Variants in EXOSC10 observed in about 807,000 individuals in gnomAD.
The protein encoded by EXOSC10 is exosome component 10, also known as exosome complex component 10.
EXOSC10 carries 94 observed loss-of-function variants against 126.6 expected under a neutral mutation model. The ratio of observed to expected loss-of-function variants is 0.74; its 90% CI spans 0.63 to 0.88. EXOSC10 has a LOEUF of 0.88. Among genes scored for constraint, EXOSC10 ranks in the 40% least tolerant of loss-of-function variants. The probability of loss-of-function intolerance (pLI) is 0.00; values close to 1 mark genes in which losing one functional copy is unlikely to be tolerated. For missense variants in EXOSC10, 1,041 were observed against 1,100.5 expected (o/e 0.95, Z 0.77); for synonymous variants, 395 against 400.8 (o/e 0.99, Z 0.17).
At chr1:11,085,527 C>A (rs1398458629) in intron 9 of EXOSC10, among the ~76,000 whole-genome samples, 1 of 152,128 alleles carries the variant, frequency 6.6e-6, no homozygotes, top group South Asian at 2.1e-4. Context: ...TGGGCTGAGA[C>A]AATGGGGTTT....
At chr1:11,070,265 T>TAAAAAAAAA (rs35601923) in intron 21 of EXOSC10, among the ~76,000 whole-genome samples, 1 of 100,588 alleles carries the variant, frequency 9.9e-6, no homozygotes, top group Non-Finnish European at 1.8e-5. Context: ...AAAAGGAAAT[T>TAAAAAAAAA]AAAAAAAAAA....
chr1:11,090,911 G>C (rs1640767247), intron 5 of EXOSC10, 103 bp downstream of exon 5: 1 of 1,199,608 alleles, frequency 8.3e-7, no homozygotes, highest in Non-Finnish European at 1.2e-6. Context: ...GAACAAAGGA[G>C]GGTGGGCTCC....
chr1:11,091,722 A>G (rs1148482), intron 3 of EXOSC10, 125 bp from the exon 4 acceptor site: 507,636 of 656,242 alleles, frequency 0.77, 198,100 homozygotes, highest in East Asian at 0.94. Flanking sequence ...GCAGTGGCGC[A>G]ATCTTGCCTC....
At chr1:11,097,239 G>A (rs1278901264) in intron 2 of EXOSC10, among the ~76,000 whole-genome samples, 4 of 151,464 alleles carry the variant, frequency 2.6e-5, no homozygotes, top group East Asian at 1.9e-4. Context: ...AAAGCTGGTC[G>A]TGGTGGTGTA....
Position 11,090,240 on chromosome 1 carries a change from C to T in EXOSC10, c.758+314G>A, listed in dbSNP as rs151021678. Among the ~76,000 whole-genome samples the T allele has an allele frequency of 2.8e-3, 419 of 152,212 alleles. 4 individuals are homozygous for T. Among genetic ancestry groups the T allele is most frequent in the African/African-American group, 9.9e-3 (413 of 41,550 alleles). On this transcript the variant is annotated intron_variant, in intron 6 of 24. Coordinates refer to ENST00000376936, the MANE Select transcript of EXOSC10 (RefSeq NM_001001998.3). ...CTCGAACTCCTGACCTCAGGTGATCCACCGGTCTCAGCCTCCCAAAGTGCT... is the reference window on the plus strand; with the variant it reads ...CTCGAACTCCTGACCTCAGGTGATCTACCGGTCTCAGCCTCCCAAAGTGCT...
At chr1:11,070,792 G>C in intron 21 of EXOSC10, 108 bp downstream of exon 21, 1 of 954,080 alleles carries the variant, frequency 1.0e-6, no homozygotes, top group South Asian at 1.6e-5. Flanking sequence ...AAGAAGTCAG[G>C]ACTTAATATA....
chr1:11,095,780 T>C lies in EXOSC10; in HGVS notation c.350A>G (p.Asn117Ser), dbSNP rs137858764. The change falls in exon 3 of 25, where the codon AAT (asparagine) becomes AGT (serine). Residue 117 changes from asparagine (N) to serine (S), a missense_variant. By Grantham distance (46) the Asn-to-Ser change is conservative. Around this residue, in one of 3 missense-constraint regions of EXOSC10, gnomAD observed 645 missense variants for 656.3 expected, o/e 0.98. Transcript: ENST00000376936. ...EDKFDLLVDA[N>S]DVILERVGIL... ...CACCACTCTCTCCAGAATTACATCA[T>C]TGGCATCAACTAGTAAATCAAACTT... 1.5e-5 allele frequency: 24 copies of C among 1,614,036 alleles called. No homozygotes were observed. Among genetic ancestry groups the C allele is most frequent in the Non-Finnish European group, 1.8e-5 (21 of 1,179,994 alleles).
At chr1:11,067,754 T>C (rs556919773) in intron 24 of EXOSC10, among the ~76,000 whole-genome samples, 2 of 152,270 alleles carry the variant, frequency 1.3e-5, no homozygotes, top group East Asian at 3.9e-4. Context: ...ACACGGTAAC[T>C]AGAGAGCCAG....
At chr1:11,074,701 C>G (rs930561937) in intron 17 of EXOSC10, among the ~76,000 whole-genome samples, 1 of 152,150 alleles carries the variant, frequency 6.6e-6, no homozygotes, top group Non-Finnish European at 1.5e-5. Flanking sequence ...GTGTGAGCCA[C>G]CGCACGCACC....
At position 11,079,695 on chromosome 1, in the gene EXOSC10, C is replaced by T. The variant is rs1382778370; in HGVS notation, c.1749+16G>A. The T allele has an allele frequency of 1.9e-6, 3 of 1,606,918 alleles. No homozygotes were observed. The African/African-American group carries it at 4.0e-5, about 22-fold the overall frequency. On this transcript the variant is annotated intron_variant, in intron 14 of 24. Transcript: ENST00000376936. ...AGGCGTGAGCCACTGTGCCCAGCCG[C>T]AGAAAAGCTTCTTACCTTGAGCAGG...
chr1:11,091,382 A>G (rs1289591280), intron 4 of EXOSC10, 111 bp downstream of exon 4: 11 of 1,025,460 alleles, frequency 1.1e-5, no homozygotes, highest in Non-Finnish European at 1.6e-5. Flanking sequence ...AAACTAAAGG[A>G]GACAGTGGCC....
intron 14 of EXOSC10, among the ~76,000 whole-genome samples, chr1:11,078,504 G>A (rs182206686): frequency 0.018 from 2,777 of 151,908 alleles, 73 homozygotes; most frequent in African/African-American, 0.063. Flanking sequence ...TGATCCGCCC[G>A]CCTCGGCCTC....
rs189941459 is a variant in EXOSC10, at chr1:11,096,979, T to C, written c.248+1041A>G. On this transcript the variant is annotated intron_variant, in intron 2 of 24. Coordinates refer to ENST00000376936, the MANE Select transcript of EXOSC10 (RefSeq NM_001001998.3). Reference sequence around the variant, plus strand: ...CTGTAATCCCAACACTATGGGAGGCTGAGGTGGGTGGATCACAAGGTCAGG... The same window carrying C: ...CTGTAATCCCAACACTATGGGAGGCCGAGGTGGGTGGATCACAAGGTCAGG... 7.9e-3 allele frequency among the ~76,000 whole-genome samples: 1,207 copies of C among 151,826 alleles called. 23 individuals are homozygous for C. The highest frequency in any genetic ancestry group is 0.028 in the African/African-American group (1,141 of 41,392).
intron 9 of EXOSC10, among the ~76,000 whole-genome samples, chr1:11,086,729 T>C (rs1397818621): frequency 6.6e-6 from 1 of 152,034 alleles, no homozygotes; most frequent in Non-Finnish European, 1.5e-5. Flanking sequence ...ACTGGGTACA[T>C]AACGAAATGA....
intron 24 of EXOSC10, 139 bp downstream of exon 24, chr1:11,067,869 G>T: frequency 1.5e-6 from 1 of 672,678 alleles, no homozygotes; most frequent in Non-Finnish European, 2.6e-6. Context: ...TGAGGGACCT[G>T]GCTGTGGGAG....
Position 11,072,121 on chromosome 1 carries a change from T to C in EXOSC10, c.2208A>G (p.Lys736=), listed in dbSNP as rs771975173. 1 of 1,613,898 alleles carries C rather than the reference T, an allele frequency of 6.2e-7. No individual in the cohort carries two copies. Among genetic ancestry groups the C allele is most frequent in the Non-Finnish European group, 8.5e-7 (1 of 1,179,946 alleles). Residue 736 remains lysine (K), a synonymous_variant, in exon 20 of 25, where the codon AAA becomes AAG. Coordinates refer to ENST00000376936, the MANE Select transcript of EXOSC10 (RefSeq NM_001001998.3). ...LAQVQVQKDS[K]EAVKKKAAEQ... is the part of the protein sequence containing the mutation. ...CAGCTGCCTTCTTCTTGACAGCTTC[T>C]TTAGAGTCTTTTTGTACTTGTACCT...
chr1:11,090,051 G>A (rs1471885836), intron 6 of EXOSC10, among the ~76,000 whole-genome samples: 1 of 145,706 alleles, frequency 6.9e-6, no homozygotes, highest in African/African-American at 2.6e-5. Flanking sequence ...AGGCTGGAGT[G>A]CAGTGACGCC....
chr1:11,068,547 A>T, intron 23 of EXOSC10, 98 bp downstream of exon 23: 1 of 908,018 alleles, frequency 1.1e-6, no homozygotes, highest in Non-Finnish European at 1.8e-6. Context: ...AAGATATGCA[A>T]AGGAATGGAC....
chr1:11,094,081 C>T (rs1051027986), intron 3 of EXOSC10, among the ~76,000 whole-genome samples: 1 of 151,720 alleles, frequency 6.6e-6, no homozygotes, highest in African/African-American at 2.4e-5. Context: ...CTTCAGTATC[C>T]AAAAAAATAA....
Sources: gnomAD v4.1 joint callset for allele counts (sites outside exome capture counted in the v4.1 genomes callset) on GRCh38, gnomAD v4.1.1 for gene constraint, gnomAD v4.1.1 regional missense constraint, MANE v1.5 for transcripts, NCBI Gene and HGNC (gene_info 2026-07-23, HGNC 2026-07-21) for gene names.